The following ITPRID1 variants were observed in gnomAD, a reference collection of about 807,000 sequenced individuals.
ITPRID1 encodes the protein ITPR interacting domain containing 1.
Under a neutral mutation model 95.4 loss-of-function variants are expected in ITPRID1, and 96 were observed. The observed-to-expected ratio is 1.01, with a 90% CI of 0.85 to 1.19. The LOEUF is 1.19. ITPRID1 is among the 50% of genes most tolerant of loss of function. The pLI is 0.00. For synonymous variants in ITPRID1, 510 were observed against 453.6 expected, an observed-to-expected ratio of 1.12 and a Z score of -1.58; for missense variants, 1,339 against 1,252.9, an observed-to-expected ratio of 1.07 and a Z score of -1.04.
chr7:31,634,835 A>G (rs1370282093), intron 10 of ITPRID1, among the ~76,000 whole-genome samples: 1 of 152,182 alleles, frequency 6.6e-6, no homozygotes, highest in Admixed American at 6.5e-5. Context: ...TGGGAAGTCA[A>G]GGCCCCACTG....
At chr7:31,598,398 C>CTTTTTTTTT (rs869161999) in intron 10 of ITPRID1, among the ~76,000 whole-genome samples, 8 of 106,826 alleles carry the variant, frequency 7.5e-5, no homozygotes, top group African/African-American at 1.1e-4. Flanking sequence ...TTTTTTTTTT[C>CTTTTTTTTT]TTTTTTTTTT....
At chr7:31,575,929 G>A (rs1562580999) in intron 8 of ITPRID1, among the ~76,000 whole-genome samples, 1 of 151,980 alleles carries the variant, frequency 6.6e-6, no homozygotes, top group East Asian at 1.9e-4. Flanking sequence ...GTTTTGCAAT[G>A]TAGTATTTCT....
chr7:31,650,576 T>G (rs1370843214), intron 12 of ITPRID1, among the ~76,000 whole-genome samples: 2 of 152,202 alleles, frequency 1.3e-5, no homozygotes, highest in Non-Finnish European at 2.9e-5. Flanking sequence ...GCCTAACCTT[T>G]GCCTGCCTTC....
At chr7:31,555,892 CTTT>C (rs1389534983) in intron 5 of ITPRID1, among the ~76,000 whole-genome samples, 2 of 152,138 alleles carry the variant, frequency 1.3e-5, no homozygotes, top group East Asian at 3.8e-4. Flanking sequence ...CACCAACCTT[CTTT>C]ATTTTTTCTA....
chr7:31,648,909 A>G (rs1198429746), intron 12 of ITPRID1, among the ~76,000 whole-genome samples: 2 of 152,228 alleles, frequency 1.3e-5, no homozygotes, highest in African/African-American at 4.8e-5. Flanking sequence ...GACCACAGAC[A>G]AGTTAACTAG....
At chr7:31,627,852 AT>A (rs1788617640) in intron 10 of ITPRID1, among the ~76,000 whole-genome samples, 1 of 152,132 alleles carries the variant, frequency 6.6e-6, no homozygotes. Context: ...AAAAGATACA[AT>A]TTTAAGTGAA....
chr7:31,536,796 A>G (rs1488873005), intron 1 of ITPRID1, among the ~76,000 whole-genome samples: 1 of 152,124 alleles, frequency 6.6e-6, no homozygotes, highest in Admixed American at 6.6e-5. Flanking sequence ...TTGAGTTTAT[A>G]TAAGGCTTGT....
intron 1 of ITPRID1, chr7:31,518,320 G>A (rs1043231207): frequency 1.3e-5 from 2 of 152,210 alleles, no homozygotes; most frequent in African/African-American, 4.8e-5. Flanking sequence ...TTAGACTTCT[G>A]ACTTCCAGGA....
intron 10 of ITPRID1, among the ~76,000 whole-genome samples, chr7:31,597,584 T>C (rs1468300593): frequency 6.6e-6 from 1 of 152,014 alleles, no homozygotes; most frequent in Non-Finnish European, 1.5e-5. Context: ...TGAATACTTT[T>C]AGAATATTTG....
intron 10 of ITPRID1, among the ~76,000 whole-genome samples, chr7:31,614,144 G>A (rs558044104): frequency 2.0e-5 from 3 of 152,250 alleles, no homozygotes; most frequent in East Asian, 1.9e-4. Flanking sequence ...ATATTACGGA[G>A]TCTTAGATTG....
chr7:31,547,460 G>A (rs1422594208), intron 1 of ITPRID1, among the ~76,000 whole-genome samples: 2 of 121,388 alleles, frequency 1.6e-5, no homozygotes, highest in African/African-American at 5.3e-5. Flanking sequence ...AGCAAAGTGG[G>A]GGAAAGCCCC....
chr7:31,603,359 T>C (rs1786479991), intron 10 of ITPRID1, among the ~76,000 whole-genome samples: 1 of 152,044 alleles, frequency 6.6e-6, no homozygotes, highest in African/African-American at 2.4e-5. Flanking sequence ...CCTGTGACAT[T>C]GCAAGTAACA....
rs1790038437 is a variant in ITPRID1 at position 31,641,766 on chromosome 7, A to G, written c.1229-410A>G. ...AAAGGGTACTTATCCAAACTTTAGT[A>G]AAAAGAACAAGAATATGTATATATA... On this transcript the variant is annotated intron_variant, in intron 10 of 14. Transcript: ENST00000615280. Among the ~76,000 whole-genome samples the G allele has an allele frequency of 3.3e-5, 5 of 152,326 alleles. No homozygotes were observed. The South Asian group carries it at 1.0e-3, about 32-fold the overall frequency.
rs1554290591 is a variant in ITPRID1 at position 31,599,647 on chromosome 7, T to TTCC, written c.1228+16457_1228+16458insCCT. Reference sequence around the variant, plus strand: ...TTTCTTTCTTTCTTTCTTTCTTTCTTTTTCTTTCTTTCCTTTCTCTCTCTC... The same window carrying TTCC: ...TTTCTTTCTTTCTTTCTTTCTTTCTTTCCTTTCTTTCTTTCCTTTCTCTCTCTC... On this transcript the variant is annotated intron_variant, in intron 10 of 14. Transcript: ENST00000615280. Among the ~76,000 whole-genome samples, 216 of 23,048 alleles carry TTCC rather than the reference T, an allele frequency of 9.4e-3. 3 individuals carry two copies. The highest frequency in any genetic ancestry group is 0.033 in the Admixed American group (96 of 2,898). The allele number at this position is 23,048 out of a possible 152,430, so 15.1% of individuals were successfully genotyped here.
At chr7:31,615,375 C>T (rs1787107621) in intron 10 of ITPRID1, among the ~76,000 whole-genome samples, 1 of 152,106 alleles carries the variant, frequency 6.6e-6, no homozygotes, top group Non-Finnish European at 1.5e-5. Flanking sequence ...GTAATAAAAT[C>T]TACCCAGCTT....
intron 13 of ITPRID1, 136 bp from the exon 14 acceptor site, chr7:31,651,803 C>A: frequency 8.7e-6 from 5 of 574,074 alleles, no homozygotes; most frequent in Non-Finnish European, 9.3e-6. Context: ...TTAGTAATGT[C>A]TCCAGCTGAC....
At chr7:31,561,207 T>G (rs1366857727) in intron 5 of ITPRID1, among the ~76,000 whole-genome samples, 1 of 152,074 alleles carries the variant, frequency 6.6e-6, no homozygotes, top group African/African-American at 2.4e-5. Flanking sequence ...AAAACTGCTT[T>G]GAGGAGTTGA....
intron 5 of ITPRID1, among the ~76,000 whole-genome samples, chr7:31,564,209 C>G (rs1038664998): frequency 6.6e-6 from 1 of 152,068 alleles, no homozygotes; most frequent in Non-Finnish European, 1.5e-5. Context: ...GGGTTAAGTG[C>G]GGTGTCTGCT....
intron 5 of ITPRID1, among the ~76,000 whole-genome samples, chr7:31,555,704 T>C (rs1361404762): frequency 6.6e-6 from 1 of 152,216 alleles, no homozygotes; most frequent in Non-Finnish European, 1.5e-5. Context: ...AGGAACTTAA[T>C]GGTTAGATGA....
Sources: allele counts gnomAD v4.1 joint callset (sites outside exome capture counted in the v4.1 genomes callset), GRCh38; gene constraint gnomAD v4.1.1; transcripts MANE v1.5; gene names NCBI Gene and HGNC (gene_info 2026-07-23, HGNC 2026-07-21).